PTPRM: variants seen among roughly 807,000 people sequenced by gnomAD.
The protein encoded by PTPRM is protein tyrosine phosphatase receptor type M.
A neutral mutation model predicts 186.7 loss-of-function variants in PTPRM; 47 were observed. That is an observed-to-expected ratio of 0.25 (90% CI 0.20 to 0.32). The LOEUF (loss-of-function observed/expected upper bound fraction) is 0.32. Ranked by LOEUF, PTPRM falls within the 10% of genes least tolerant of loss-of-function variation. The probability of loss-of-function intolerance (pLI) is 1.00; values close to 1 mark genes in which losing one functional copy is unlikely to be tolerated. For missense variants in PTPRM, 1,494 were observed against 1,865.0 expected (o/e 0.80, Z 3.66); for synonymous variants, 668 against 674.9 (o/e 0.99, Z 0.16).
At chr18:7,822,920 A>G (rs1366181630) in intron 2 of PTPRM, among the ~76,000 whole-genome samples, 1 of 152,092 alleles carries the variant, frequency 6.6e-6, no homozygotes, top group East Asian at 1.9e-4. Context: ...TCTCCGGGGA[A>G]CATTTGTTGT....
At chr18:7,972,537 TA>T (rs2054624202) in intron 7 of PTPRM, among the ~76,000 whole-genome samples, 1 of 145,112 alleles carries the variant, frequency 6.9e-6, no homozygotes, top group Non-Finnish European at 1.5e-5. Context: ...AAACCCTTTC[TA>T]AAGGGCTTTT....
intron 7 of PTPRM, among the ~76,000 whole-genome samples, chr18:8,056,284 A>G (rs1327673776): frequency 6.6e-6 from 1 of 152,200 alleles, no homozygotes. Context: ...AGTTCTATGT[A>G]TTGTAAATCT....
At chr18:8,207,283 G>T (rs151149205) in intron 14 of PTPRM, among the ~76,000 whole-genome samples, 318 of 152,286 alleles carry the variant, frequency 2.1e-3, no homozygotes, top group Non-Finnish European at 3.4e-3. Context: ...GTACAGTTTT[G>T]TGGGGAAGCA....
At chr18:8,304,789 T>C (rs1410509264) in intron 20 of PTPRM, among the ~76,000 whole-genome samples, 1 of 151,188 alleles carries the variant, frequency 6.6e-6, no homozygotes, top group African/African-American at 2.4e-5. Context: ...TCCAGTCTTC[T>C]TATTTTTCTA....
intron 7 of PTPRM, among the ~76,000 whole-genome samples, chr18:7,985,373 GT>G (rs1568132986): frequency 9.6e-6 from 1 of 104,088 alleles, no homozygotes; most frequent in African/African-American, 4.0e-5. Flanking sequence ...TGGTATATAC[GT>G]ATATAAATAT....
intron 7 of PTPRM, among the ~76,000 whole-genome samples, chr18:8,024,525 A>G (rs2085441996): frequency 6.6e-6 from 1 of 152,122 alleles, no homozygotes; most frequent in African/African-American, 2.4e-5. Context: ...CCAGGACAAC[A>G]TGCTTAACCC....
At chr18:7,607,127 T>G (rs2037549555) in intron 1 of PTPRM, among the ~76,000 whole-genome samples, 1 of 152,076 alleles carries the variant, frequency 6.6e-6, no homozygotes. Flanking sequence ...GTACTCAGTG[T>G]ATGCCAGGCC....
chr18:8,338,251 A>G lies in PTPRM; in HGVS notation c.2957-5172A>G, dbSNP rs962259027. 3.3e-5 allele frequency among the ~76,000 whole-genome samples: 5 copies of G among 152,090 alleles called. No individual in the cohort carries two copies. In the South Asian group the frequency reaches 1.0e-3, roughly 32 times the overall value. On this transcript the variant is annotated intron_variant, in intron 22 of 32. Transcript: ENST00000580170. Reference sequence around the variant, plus strand: ...TAAAGGAGGGAAGTGACCTGAGATCATGTACCCTAGAACTTAAAGTATAAT... The same window carrying G: ...TAAAGGAGGGAAGTGACCTGAGATCGTGTACCCTAGAACTTAAAGTATAAT...
chr18:8,397,457 G>A (rs1036085444), intron 32 of PTPRM, among the ~76,000 whole-genome samples: 2 of 152,224 alleles, frequency 1.3e-5, no homozygotes, highest in African/African-American at 4.8e-5. Context: ...TTTTAGCTTT[G>A]GGAGCTCTGG....
At chr18:8,360,340 T>C (rs1019483522) in intron 23 of PTPRM, among the ~76,000 whole-genome samples, 14 of 152,062 alleles carry the variant, frequency 9.2e-5, no homozygotes, top group African/African-American at 3.1e-4. Context: ...TAGGACCAGG[T>C]TTCTAGCAGT....
intron 7 of PTPRM, among the ~76,000 whole-genome samples, chr18:8,015,071 A>G (rs910079936): frequency 1.3e-5 from 2 of 152,190 alleles, no homozygotes; most frequent in African/African-American, 4.8e-5. Flanking sequence ...ACACTTGTGC[A>G]TGTGGCTTAG....
intron 7 of PTPRM, among the ~76,000 whole-genome samples, chr18:7,964,335 G>A (rs1362747494): frequency 6.6e-6 from 1 of 152,222 alleles, no homozygotes; most frequent in East Asian, 1.9e-4. Flanking sequence ...TTTATAGTCT[G>A]ACTGACTTGG....
At chr18:7,644,461 G>T (rs2038515013) in intron 1 of PTPRM, among the ~76,000 whole-genome samples, 1 of 152,092 alleles carries the variant, frequency 6.6e-6, no homozygotes, top group Non-Finnish European at 1.5e-5. Flanking sequence ...TCAGCTTTAT[G>T]TCAATTCATC....
chr18:8,257,328 C>T (rs2094584016), intron 19 of PTPRM, among the ~76,000 whole-genome samples: 1 of 152,130 alleles, frequency 6.6e-6, no homozygotes, highest in African/African-American at 2.4e-5. Context: ...GTGGTCAGGG[C>T]TCCAATCACC....
intron 19 of PTPRM, among the ~76,000 whole-genome samples, chr18:8,284,446 A>G (rs1242044060): frequency 6.6e-6 from 1 of 152,198 alleles, no homozygotes; most frequent in Non-Finnish European, 1.5e-5. Flanking sequence ...ACTAATTGTT[A>G]TCCTTTCAGC....
At chr18:7,972,470 A>AC (rs1307204332) in intron 7 of PTPRM, among the ~76,000 whole-genome samples, 61 of 77,184 alleles carry the variant, frequency 7.9e-4, no homozygotes, top group Non-Finnish European at 1.4e-3. Flanking sequence ...ATTAAAAAAA[A>AC]AAAAACATTA....
intron 2 of PTPRM, among the ~76,000 whole-genome samples, chr18:7,830,507 C>A (rs1032856756): frequency 1.3e-5 from 2 of 152,196 alleles, no homozygotes; most frequent in Non-Finnish European, 2.9e-5. Context: ...TTTGGTATAG[C>A]CTATTGCTCC....
At chr18:7,705,794 A>G (rs1418545370) in intron 1 of PTPRM, among the ~76,000 whole-genome samples, 1 of 151,600 alleles carries the variant, frequency 6.6e-6, no homozygotes, top group Non-Finnish European at 1.5e-5. Flanking sequence ...CTTGGACTCA[A>G]GTAGTCCTCC....
intron 19 of PTPRM, among the ~76,000 whole-genome samples, chr18:8,286,002 G>A (rs1394566619): frequency 1.3e-5 from 2 of 152,096 alleles, no homozygotes; most frequent in Non-Finnish European, 2.9e-5. Flanking sequence ...AAAATGATGC[G>A]AAATTTCATT....
Sources: allele counts gnomAD v4.1 joint callset (sites outside exome capture counted in the v4.1 genomes callset), GRCh38; gene constraint gnomAD v4.1.1; transcripts MANE v1.5; gene names NCBI Gene and HGNC (gene_info 2026-07-23, HGNC 2026-07-21).